MMP26: variants seen among roughly 807,000 people sequenced by gnomAD.
The protein encoded by MMP26 is matrix metallopeptidase 26.
Under a neutral mutation model 31.0 loss-of-function variants are expected in MMP26, and 33 were observed. The ratio of observed to expected loss-of-function variants is 1.06; its 90% CI spans 0.81 to 1.42. MMP26 has a LOEUF of 1.42. MMP26 is among the 40% of genes most tolerant of loss of function. The pLI is 0.00. For missense variants in MMP26, 347 were observed against 316.1 expected, an observed-to-expected ratio of 1.10 and a Z score of -0.74; for synonymous variants, 122 against 114.9, an observed-to-expected ratio of 1.06 and a Z score of -0.40.
intron 2 of MMP26, among the ~76,000 whole-genome samples, chr11:4,799,379 T>C (rs1033378929): frequency 2.0e-5 from 3 of 151,950 alleles, no homozygotes; most frequent in Admixed American, 6.6e-5. Flanking sequence ...GGGGGGGGTC[T>C]CAGGCTCTAT....
intron 2 of MMP26, chr11:4,908,363 G>A (rs1281673618): frequency 1.4e-6 from 2 of 1,443,082 alleles, no homozygotes. Flanking sequence ...ACTGTCATTT[G>A]CTATGTGCTT....
intron 2 of MMP26, among the ~76,000 whole-genome samples, chr11:4,933,532 T>G (rs897040180): frequency 3.5e-5 from 5 of 143,472 alleles, no homozygotes; most frequent in African/African-American, 1.3e-4. Context: ...TTTTTGTTTT[T>G]TTTTTTGTTT....
At chr11:4,873,965 A>T (rs1383507329) in intron 2 of MMP26, among the ~76,000 whole-genome samples, 1 of 152,086 alleles carries the variant, frequency 6.6e-6, no homozygotes, top group Non-Finnish European at 1.5e-5. Flanking sequence ...AGGTAAAGAG[A>T]GACAGAGATA....
chr11:4,712,513 A>G (rs999414792), intron 1 of MMP26: 1 of 152,180 alleles, frequency 6.6e-6, no homozygotes, highest in African/African-American at 2.4e-5. Flanking sequence ...TTTCTAAGCA[A>G]TGAAAGCATA....
At chr11:4,985,539 T>C (rs760629691) in intron 2 of MMP26, among the ~76,000 whole-genome samples, 5 of 152,202 alleles carry the variant, frequency 3.3e-5, no homozygotes, top group Admixed American at 6.5e-5. Context: ...CGTTCTTCTT[T>C]TAGAACATTA....
Position 4,848,583 on chromosome 11 carries a change from A to G in MMP26, c.-145+81242A>G, listed in dbSNP as rs371893114. 5.6e-6 allele frequency: 9 copies of G among 1,606,748 alleles called. No individual in the cohort carries two copies. The African/African-American group carries it at 9.4e-5, about 17-fold the overall frequency. On this transcript the variant is annotated intron_variant, in intron 2 of 7. Transcript: ENST00000380390. ...GTCCAAACCCATGGCTGAAAGAACC[A>G]CAAATAGGCTGTAGGCTGCACCCCA...
intron 2 of MMP26, among the ~76,000 whole-genome samples, chr11:4,958,320 C>T (rs11600508): frequency 0.15 from 22,228 of 152,186 alleles, 1,709 homozygotes; most frequent in South Asian, 0.17. Flanking sequence ...TAAAGCTCAC[C>T]CTTTTTCTAT....
intron 2 of MMP26, among the ~76,000 whole-genome samples, chr11:4,784,047 C>A (rs1329292562): frequency 1.3e-5 from 2 of 152,162 alleles, no homozygotes; most frequent in African/African-American, 4.8e-5. Context: ...TTATTGCTCA[C>A]AACTCTGAAG....
chr11:4,752,327 G>A (rs572546843), intron 1 of MMP26: 1 of 152,378 alleles, frequency 6.6e-6, no homozygotes, highest in South Asian at 2.1e-4. Context: ...TCAGCAGATA[G>A]GAGAGCAAGA....
intron 1 of MMP26, among the ~76,000 whole-genome samples, chr11:4,707,433 CT>C (rs1589879634): frequency 2.0e-5 from 3 of 152,070 alleles, no homozygotes. Context: ...ATATTAACCC[CT>C]AATCAGGTAT....
chr11:4,849,472 T>C (rs146021187), intron 2 of MMP26, among the ~76,000 whole-genome samples: 88 of 152,306 alleles, frequency 5.8e-4, no homozygotes, highest in African/African-American at 2.1e-3. Context: ...TTTTCCTAGA[T>C]TGTTTTCACA....
intron 2 of MMP26, among the ~76,000 whole-genome samples, chr11:4,871,524 G>A (rs999665873): frequency 2.6e-5 from 4 of 152,046 alleles, no homozygotes; most frequent in African/African-American, 7.2e-5. Flanking sequence ...AGGCAAAGCC[G>A]GGTCCTCTGG....
chr11:4,860,437 C>T (rs984473275), intron 2 of MMP26: 9 of 470,926 alleles, frequency 1.9e-5, no homozygotes, highest in African/African-American at 1.4e-4. Context: ...GGTACCATTT[C>T]CCAGGAGTGT....
At chr11:4,865,895 G>T (rs549849259) in intron 2 of MMP26, among the ~76,000 whole-genome samples, 2 of 152,154 alleles carry the variant, frequency 1.3e-5, no homozygotes, top group Non-Finnish European at 2.9e-5. Context: ...GTTACAGAAG[G>T]GTTCTCCATG....
chr11:4,991,855 G>T, intron 6 of MMP26, 109 bp from the exon 7 acceptor site: 1 of 1,025,330 alleles, frequency 9.8e-7, no homozygotes, highest in Non-Finnish European at 1.4e-6. Flanking sequence ...TGTAACATTT[G>T]CCCTTTCCTC....
At chr11:4,930,432 T>G (rs1231319212) in intron 2 of MMP26, among the ~76,000 whole-genome samples, 4 of 152,076 alleles carry the variant, frequency 2.6e-5, no homozygotes, top group Non-Finnish European at 5.9e-5. Flanking sequence ...TGCTTACCCC[T>G]TTCTTGCCAA....
intron 2 of MMP26, among the ~76,000 whole-genome samples, chr11:4,883,989 G>C (rs1850514632): frequency 6.6e-6 from 1 of 152,004 alleles, no homozygotes; most frequent in Non-Finnish European, 1.5e-5. Flanking sequence ...GGCAGATAGG[G>C]AACACCACTC....
chr11:4,859,986 G>A (rs1332029136), intron 2 of MMP26: 3 of 471,004 alleles, frequency 6.4e-6, no homozygotes, highest in African/African-American at 6.0e-5. Flanking sequence ...TGATGCGGGT[G>A]CTGGCACAAG....
At chr11:4,762,755 C>T (rs1848582745) in intron 1 of MMP26, among the ~76,000 whole-genome samples, 1 of 152,088 alleles carries the variant, frequency 6.6e-6, no homozygotes, top group South Asian at 2.1e-4. Context: ...AAAGGAGACT[C>T]ACTAGAATGG....
Sources: gnomAD v4.1 joint callset for allele counts (sites outside exome capture counted in the v4.1 genomes callset) on GRCh38, gnomAD v4.1.1 for gene constraint, MANE v1.5 for transcripts, NCBI Gene and HGNC (gene_info 2026-07-23, HGNC 2026-07-21) for gene names.